Variants in WNT2B observed in about 807,000 individuals in gnomAD.
WNT2B encodes Wnt family member 2B, also known as protein Wnt-2b.
WNT2B carries 19 observed loss-of-function variants against 40.5 expected under a neutral mutation model. The observed-to-expected ratio is 0.47, with a 90% CI of 0.33 to 0.69. The LOEUF (loss-of-function observed/expected upper bound fraction) is 0.69, where lower values mean the gene tolerates loss of function less well. Among genes scored for constraint, WNT2B ranks in the 30% least tolerant of loss-of-function variants. WNT2B has a pLI of 0.02. For missense variants in WNT2B, 467 were observed against 556.4 expected, an observed-to-expected ratio of 0.84 and a Z score of 1.62; for synonymous variants, 220 against 211.9, an observed-to-expected ratio of 1.04 and a Z score of -0.33.
intron 1 of WNT2B, among the ~76,000 whole-genome samples, chr1:112,473,827 CG>C (rs1650967798): frequency 6.7e-6 from 1 of 150,294 alleles, no homozygotes. Flanking sequence ...GAGGCCGAGG[CG>C]GGTGGATCAT....
rs374817247 is a variant in WNT2B at position 112,516,463 on chromosome 1, G to A, written c.681+46G>A. ...AAGTACACTCATATTTGCTGGGGGTGACCAGTGTGTGTGACCATGGACTAA... is the reference window on the plus strand; with the variant it reads ...AAGTACACTCATATTTGCTGGGGGTAACCAGTGTGTGTGACCATGGACTAA... On this transcript the variant is annotated intron_variant, in intron 3 of 4. Coordinates refer to ENST00000369684, the MANE Select transcript of WNT2B (RefSeq NM_024494.3). The A allele has an allele frequency of 4.5e-4, 705 of 1,573,282 alleles. 1 individual carries two copies. Among genetic ancestry groups the A allele is most frequent in the Non-Finnish European group, 5.4e-4 (629 of 1,157,200 alleles).
Position 112,509,435 on chromosome 1 carries a change from C to T in WNT2B, c.173C>T (p.Thr58Met), listed in dbSNP as rs1290062904. Residue 58 changes from threonine (T) to methionine (M), a missense_variant, in exon 1 of 5, where the codon ACG (threonine) becomes ATG (methionine). Thr to Met is a moderately conservative substitution (Grantham distance 81, BLOSUM62 -1). Coordinates refer to ENST00000369684, the MANE Select transcript of WNT2B (RefSeq NM_024494.3). The surrounding 1 kb of genome is among the most constrained non-coding windows in gnomAD (Gnocchi z 4.2). The part of the protein sequence containing the change: ...LLLTLPARVD[T>M]SWWYIGALGA... The stretch of plus-strand genomic sequence containing the variant: ...CTGACGCTGCCGGCCCGCGTAGACA[C>T]GTCCTGGTGGTAAGTGTGGCTCTCA... 5 of 1,590,182 alleles carry T rather than the reference C, an allele frequency of 3.1e-6. No homozygotes were observed. In the South Asian group the frequency reaches 5.6e-5, roughly 18 times the overall value.
chr1:112,502,922 G>A (rs1228985222), intron 1 of WNT2B, among the ~76,000 whole-genome samples: 1 of 152,106 alleles, frequency 6.6e-6, no homozygotes, highest in Non-Finnish European at 1.5e-5. Flanking sequence ...CAGGCAGGAG[G>A]GAGTGACAAA....
In WNT2B at chr1:112,523,904, A is replaced by G. The variant is rs1415899451; in HGVS notation, c.*3395A>G. The G allele has an allele frequency of 6.6e-6, 1 of 152,178 alleles. No individual in the cohort carries two copies. The highest frequency in any genetic ancestry group is 1.9e-4 in the East Asian group (1 of 5,174). 9.4% of individuals were successfully genotyped at this position (152,178 alleles called of 1,614,324 possible). On this transcript the variant is annotated 3_prime_UTR_variant, in exon 5 of 5. Coordinates refer to ENST00000369684, the MANE Select transcript of WNT2B (RefSeq NM_024494.3). Reference sequence around the variant, plus strand: ...GCCTTAACCTAGCCCTGCAGATAAAAGCTAACTTTTATTAATACCAGCCCT... The same window carrying G: ...GCCTTAACCTAGCCCTGCAGATAAAGGCTAACTTTTATTAATACCAGCCCT...
intron 1 of WNT2B, among the ~76,000 whole-genome samples, chr1:112,474,584 G>GA (rs1018410555): frequency 1.3e-5 from 2 of 152,178 alleles, no homozygotes; most frequent in African/African-American, 2.4e-5. Flanking sequence ...GACTACTGAG[G>GA]AAAAAAACTG....
At chr1:112,476,678 C>T (rs114413684) in intron 1 of WNT2B, among the ~76,000 whole-genome samples, 266 of 152,348 alleles carry the variant, frequency 1.7e-3, no homozygotes, top group Non-Finnish European at 3.1e-3. Flanking sequence ...CCCCAGCATC[C>T]TTTGCCACCA....
At chr1:112,508,908 C>G (rs943269066), upstream of WNT2B, 3 of 1,076,330 alleles carry the variant, frequency 2.8e-6, no homozygotes, top group African/African-American at 5.0e-5. This position sits in a 1 kb window ranked among gnomAD's most constrained non-coding sequence, Gnocchi z 4.2. Context: ...CGCGTGTCCC[C>G]GGCCTCGGCC....
intron 1 of WNT2B, among the ~76,000 whole-genome samples, chr1:112,478,370 C>T (rs1355547348): frequency 6.6e-6 from 1 of 151,820 alleles, no homozygotes; most frequent in East Asian, 1.9e-4. Flanking sequence ...CCAAATAGCC[C>T]CCAAATAGAA....
chr1:112,511,021 G>A (rs970980381), intron 1 of WNT2B, among the ~76,000 whole-genome samples: 8 of 151,848 alleles, frequency 5.3e-5, no homozygotes, highest in Admixed American at 4.6e-4. Context: ...TACCAGTTTG[G>A]GATATAGTCT....
intron 1 of WNT2B, among the ~76,000 whole-genome samples, chr1:112,492,480 A>G (rs984472424): frequency 3.3e-5 from 5 of 152,242 alleles, no homozygotes; most frequent in African/African-American, 9.6e-5. Flanking sequence ...GAAGCCAGTC[A>G]TGGGAGGACC....
intron 1 of WNT2B, among the ~76,000 whole-genome samples, chr1:112,480,958 C>T (rs1034521219): frequency 6.6e-6 from 1 of 152,090 alleles, no homozygotes; most frequent in Non-Finnish European, 1.5e-5. Flanking sequence ...CACCTGAGGT[C>T]GGGAGATCAA....
At chr1:112,491,132 C>A in intron 1 of WNT2B, 2 of 1,557,554 alleles carry the variant, frequency 1.3e-6, no homozygotes, top group Non-Finnish European at 1.8e-6. Flanking sequence ...ATAAATTGGC[C>A]TGCACGGTGG....
rs1334879044 is a variant in WNT2B, at chr1:112,522,505, G to T, written c.*1996G>T. The T allele has an allele frequency of 6.6e-6, 1 of 152,206 alleles. No individual in the cohort carries two copies. The highest frequency in any genetic ancestry group is 1.5e-5 in the Non-Finnish European group (1 of 68,042). 9.4% of individuals were successfully genotyped at this position (152,206 alleles called of 1,614,324 possible). ...CCTGCATAAAGAATTCTGGATACAG[G>T]CCCCTGTCTTTCCAAAGTTCCTCTC... On this transcript the variant is annotated 3_prime_UTR_variant, in exon 5 of 5. Transcript: ENST00000369684.
chr1:112,508,029 T>C (rs1413886774), upstream of WNT2B, among the ~76,000 whole-genome samples: 1 of 151,658 alleles, frequency 6.6e-6, no homozygotes, highest in Non-Finnish European at 1.5e-5. The surrounding 1 kb of genome is among the most constrained non-coding windows in gnomAD (Gnocchi z 4.2). Flanking sequence ...CCAGGCGCTG[T>C]GCGGGCGGAG....
chr1:112,472,445 A>T (rs1428329421), intron 1 of WNT2B, among the ~76,000 whole-genome samples: 1 of 152,170 alleles, frequency 6.6e-6, no homozygotes, highest in African/African-American at 2.4e-5. Context: ...GCGAAAAATG[A>T]AAAATCTCAT....
chr1:112,472,372 A>G (rs1454743211), intron 1 of WNT2B, among the ~76,000 whole-genome samples: 1 of 152,206 alleles, frequency 6.6e-6, no homozygotes, highest in African/African-American at 2.4e-5. Context: ...AGAACCACCC[A>G]AAAGGATTAG....
intron 1 of WNT2B, among the ~76,000 whole-genome samples, chr1:112,471,073 G>A (rs538042713): frequency 2.6e-5 from 4 of 152,168 alleles, no homozygotes; most frequent in African/African-American, 4.8e-5. Context: ...GGACACTAAG[G>A]GACATCAGTG....
intron 1 of WNT2B, chr1:112,491,130 GC>G: frequency 4.5e-6 from 7 of 1,571,038 alleles, no homozygotes; most frequent in Non-Finnish European, 6.1e-6. Flanking sequence ...AAATAAATTG[GC>G]CTGCACGGTG....
intron 3 of WNT2B, among the ~76,000 whole-genome samples, chr1:112,516,725 C>G (rs1652563826): frequency 6.6e-6 from 1 of 152,166 alleles, no homozygotes. Context: ...CTAGTCAGTT[C>G]CCTGGTATTT....
Sources: gnomAD v4.1 joint callset for allele counts (sites outside exome capture counted in the v4.1 genomes callset) on GRCh38, gnomAD v4.1.1 for gene constraint, Gnocchi (gnomAD v3.1) non-coding constraint, MANE v1.5 for transcripts, NCBI Gene and HGNC (gene_info 2026-07-23, HGNC 2026-07-21) for gene names.